The following GALNTL6 variants were observed in gnomAD, a reference collection of about 807,000 sequenced individuals.
The protein encoded by GALNTL6 is polypeptide N-acetylgalactosaminyltransferase like 6, also known as polypeptide N-acetylgalactosaminyltransferase-like 6.
GALNTL6 carries 46 observed loss-of-function variants against 73.7 expected under a neutral mutation model. That is an observed-to-expected ratio of 0.62 (90% CI 0.49 to 0.80). GALNTL6 has a LOEUF of 0.80. Among genes scored for constraint, GALNTL6 ranks in the 30% least tolerant of loss-of-function variants. The pLI, the probability that GALNTL6 is intolerant of heterozygous loss-of-function variation, is 0.00. For synonymous variants in GALNTL6, 259 were observed against 263.7 expected (o/e 0.98, Z 0.17); for missense variants, 604 against 755.0 (o/e 0.80, Z 2.34).
At chr4:172,231,459 G>A (rs1737068566) in intron 3 of GALNTL6, among the ~76,000 whole-genome samples, 1 of 152,114 alleles carries the variant, frequency 6.6e-6, no homozygotes, top group Non-Finnish European at 1.5e-5. Flanking sequence ...CCAAGTTCAA[G>A]TAGCTAATAA....
chr4:172,569,289 G>A (rs1465981726), intron 5 of GALNTL6, among the ~76,000 whole-genome samples: 4 of 152,060 alleles, frequency 2.6e-5, no homozygotes, highest in Non-Finnish European at 5.9e-5. Context: ...TGATGGAAAG[G>A]GCAAGGGAGC....
intron 5 of GALNTL6, among the ~76,000 whole-genome samples, chr4:172,412,096 G>A (rs1003779043): frequency 2.0e-5 from 3 of 152,030 alleles, no homozygotes; most frequent in African/African-American, 7.2e-5. Context: ...AGGCTGGAGT[G>A]CAGTGGCACG....
chr4:172,225,806 A>T (rs1308545851), intron 2 of GALNTL6, among the ~76,000 whole-genome samples: 1 of 152,094 alleles, frequency 6.6e-6, no homozygotes, highest in East Asian at 1.9e-4. Flanking sequence ...AAAAATAATT[A>T]AAAATAACTA....
intron 7 of GALNTL6, among the ~76,000 whole-genome samples, chr4:172,849,467 T>C (rs1345654724): frequency 6.6e-6 from 1 of 152,134 alleles, no homozygotes; most frequent in Non-Finnish European, 1.5e-5. Flanking sequence ...GTTCTTAGAA[T>C]AGGCTCTCAA....
At chr4:172,341,708 C>T (rs1741573254) in intron 4 of GALNTL6, among the ~76,000 whole-genome samples, 1 of 152,088 alleles carries the variant, frequency 6.6e-6, no homozygotes, top group Non-Finnish European at 1.5e-5. Flanking sequence ...CTGCTGCCAT[C>T]CATGTAAGAT....
intron 4 of GALNTL6, among the ~76,000 whole-genome samples, chr4:172,332,100 T>C (rs915343117): frequency 6.6e-6 from 1 of 152,160 alleles, no homozygotes. Flanking sequence ...GTGGTTTTCA[T>C]TTGGATTTTA....
intron 5 of GALNTL6, among the ~76,000 whole-genome samples, chr4:172,446,776 A>T (rs746680229): frequency 9.1e-4 from 139 of 152,254 alleles, no homozygotes; most frequent in Non-Finnish European, 1.7e-3. Context: ...AGCCTTCATC[A>T]TGTCCCCTTG....
intron 5 of GALNTL6, among the ~76,000 whole-genome samples, chr4:172,561,185 G>A (rs557901379): frequency 1.4e-4 from 21 of 149,418 alleles, no homozygotes; most frequent in Admixed American, 8.7e-4. Context: ...CCCGGGAAGC[G>A]GAGCTTGCAG....
intron 5 of GALNTL6, among the ~76,000 whole-genome samples, chr4:172,672,821 A>T (rs1197669806): frequency 6.6e-6 from 1 of 152,244 alleles, no homozygotes; most frequent in East Asian, 1.9e-4. Context: ...AGAGGTGTTA[A>T]TAATATTCTC....
intron 5 of GALNTL6, among the ~76,000 whole-genome samples, chr4:172,693,878 CTTTTAATGGAATTACT>C (rs1733481726): frequency 6.6e-6 from 1 of 152,190 alleles, no homozygotes; most frequent in Non-Finnish European, 1.5e-5. Context: ...CCCTCTGTGG[CTTTTAATGGAATTACT>C]TTTTATTCAG....
intron 2 of GALNTL6, among the ~76,000 whole-genome samples, chr4:171,880,500 A>G (rs112277446): frequency 7.6e-4 from 116 of 152,330 alleles, no homozygotes; most frequent in African/African-American, 2.5e-3. Flanking sequence ...AAGACACTGG[A>G]GAATAGATCA....
intron 3 of GALNTL6, among the ~76,000 whole-genome samples, chr4:172,240,425 G>A (rs1485927794): frequency 6.6e-6 from 1 of 151,830 alleles, no homozygotes; most frequent in Non-Finnish European, 1.5e-5. Context: ...TAGAGATGGG[G>A]TTTCACCATG....
intron 5 of GALNTL6, among the ~76,000 whole-genome samples, chr4:172,389,759 A>T (rs534806447): frequency 6.6e-6 from 1 of 152,262 alleles, no homozygotes; most frequent in Non-Finnish European, 1.5e-5. Flanking sequence ...ACAAACCCAG[A>T]TGGTGGATAC....
chr4:172,034,027 C>T (rs1452909315), intron 2 of GALNTL6, among the ~76,000 whole-genome samples: 1 of 152,090 alleles, frequency 6.6e-6, no homozygotes, highest in African/African-American at 2.4e-5. Flanking sequence ...TCAGCATAAC[C>T]TTATACTACT....
intron 5 of GALNTL6, among the ~76,000 whole-genome samples, chr4:172,409,259 C>T (rs948825373): frequency 2.0e-5 from 3 of 151,944 alleles, no homozygotes; most frequent in Non-Finnish European, 2.9e-5. Context: ...AATTAACCAG[C>T]AGTTATTATT....
chr4:173,013,580 C>A (rs1014313641), intron 11 of GALNTL6, among the ~76,000 whole-genome samples: 99 of 150,112 alleles, frequency 6.6e-4, no homozygotes, highest in Admixed American at 6.1e-3. Context: ...CCACCTCCCA[C>A]CCCCAGGCTA....
chr4:171,840,715 G>T (rs1365232368), intron 2 of GALNTL6, among the ~76,000 whole-genome samples: 1 of 152,090 alleles, frequency 6.6e-6, no homozygotes, highest in African/African-American at 2.4e-5. Context: ...ATAGAGTTTC[G>T]TGTAACAATA....
intron 5 of GALNTL6, among the ~76,000 whole-genome samples, chr4:172,398,456 G>A (rs1400026047): frequency 6.6e-6 from 1 of 152,162 alleles, no homozygotes; most frequent in Non-Finnish European, 1.5e-5. Flanking sequence ...TCCAATAAGA[G>A]GGGAGGAAGA....
intron 2 of GALNTL6, among the ~76,000 whole-genome samples, chr4:172,082,779 C>G (rs1560915250): frequency 6.6e-6 from 1 of 152,084 alleles, no homozygotes; most frequent in African/African-American, 2.4e-5. Flanking sequence ...CTCAATGAAC[C>G]TGGACTAGGT....
Sources: allele counts gnomAD v4.1 joint callset (sites outside exome capture counted in the v4.1 genomes callset), GRCh38; gene constraint gnomAD v4.1.1; transcripts MANE v1.5; gene names NCBI Gene and HGNC (gene_info 2026-07-23, HGNC 2026-07-21).